GPHN: variants seen among roughly 807,000 people sequenced by gnomAD.
The protein encoded by GPHN is gephyrin.
GPHN carries 17 observed loss-of-function variants against 95.5 expected under a neutral mutation model. The observed-to-expected ratio is 0.18, with a 90% CI of 0.12 to 0.27. The LOEUF is 0.27. Among genes scored for constraint, GPHN ranks in the 10% least tolerant of loss-of-function variants. The pLI, the probability that GPHN is intolerant of heterozygous loss-of-function variation, is 1.00. For synonymous variants in GPHN, 320 were observed against 322.5 expected, an observed-to-expected ratio of 0.99 and a Z score of 0.08; for missense variants, 660 against 978.1, an observed-to-expected ratio of 0.67 and a Z score of 4.34.
At chr14:66,632,506 T>G (rs2063868668) in intron 1 of GPHN, among the ~76,000 whole-genome samples, 1 of 150,476 alleles carries the variant, frequency 6.6e-6, no homozygotes, top group Non-Finnish European at 1.5e-5. Flanking sequence ...TTTTTTTTTT[T>G]TTTTTGGGAT....
chr14:67,143,205 G>A (rs2080597607), intron 17 of GPHN, 157 bp from the exon 18 acceptor site: 5 of 663,500 alleles, frequency 7.5e-6, no homozygotes, highest in South Asian at 1.5e-5. Flanking sequence ...TAATGCTCCT[G>A]TTAGGCAGAG....
chr14:67,532,640 C>T, the GPHN span, among the ~76,000 whole-genome samples: 701 of 152,282 alleles, frequency 4.6e-3, 10 homozygotes, highest in Admixed American at 0.017. Flanking sequence ...ATCACTTGAG[C>T]TCCGGAGTTC....
the GPHN span, among the ~76,000 whole-genome samples, chr14:67,329,298 G>GA: frequency 5.3e-5 from 8 of 152,168 alleles, no homozygotes; most frequent in Non-Finnish European, 1.0e-4. Context: ...TGATGTATAG[G>GA]AATGCTTGTG....
intron 9 of GPHN, among the ~76,000 whole-genome samples, chr14:66,995,756 G>T (rs2071739130): frequency 6.6e-6 from 1 of 152,166 alleles, no homozygotes; most frequent in African/African-American, 2.4e-5. Flanking sequence ...CAGAATACTG[G>T]CTTTGGTGCC....
At chr14:66,550,913 G>A in intron 1 of GPHN, 1 of 153,692 alleles carries the variant, frequency 6.5e-6, no homozygotes, top group Non-Finnish European at 1.5e-5. Flanking sequence ...CTGGAGTGCA[G>A]TGGCACGATC....
the GPHN span, among the ~76,000 whole-genome samples, chr14:67,667,459 T>C: frequency 3.3e-4 from 50 of 152,276 alleles, 1 homozygote; most frequent in African/African-American, 1.2e-3. Context: ...TGTTTCCTCA[T>C]CTGCAAATAG....
At chr14:67,380,882 G>A in the GPHN span, 1 of 495,960 alleles carries the variant, frequency 2.0e-6, no homozygotes, top group Non-Finnish European at 3.4e-6. Context: ...TTTTCTAAAT[G>A]GTTGTTTTTT....
At chr14:67,492,608 G>A in the GPHN span, among the ~76,000 whole-genome samples, 1 of 152,188 alleles carries the variant, frequency 6.6e-6, no homozygotes, top group African/African-American at 2.4e-5. Flanking sequence ...TCACCAGGGA[G>A]GCAGAAAGAA....
chr14:66,735,655 C>A (rs1281534841), intron 2 of GPHN, among the ~76,000 whole-genome samples: 2 of 152,088 alleles, frequency 1.3e-5, no homozygotes, highest in Admixed American at 1.3e-4. Context: ...ACACCCAGAG[C>A]ACCTTGAACT....
chr14:67,584,180 TG>T, the GPHN span: 24 of 1,570,240 alleles, frequency 1.5e-5, no homozygotes, highest in Admixed American at 2.7e-4. Context: ...CAACTGCTCA[TG>T]TTTGAGCCAT....
intron 3 of GPHN, among the ~76,000 whole-genome samples, chr14:66,787,378 T>A (rs1171790334): frequency 6.6e-6 from 1 of 152,124 alleles, no homozygotes; most frequent in Non-Finnish European, 1.5e-5. Flanking sequence ...GTTCAAATAT[T>A]GAAAAATTCA....
chr14:66,793,395 A>G (rs1236808819), intron 3 of GPHN, among the ~76,000 whole-genome samples: 3 of 152,244 alleles, frequency 2.0e-5, no homozygotes, highest in Non-Finnish European at 2.9e-5. Flanking sequence ...ACCAGATGGT[A>G]TGTCAAATCC....
At chr14:66,849,323 G>A (rs887968235) in intron 4 of GPHN, among the ~76,000 whole-genome samples, 7 of 151,730 alleles carry the variant, frequency 4.6e-5, no homozygotes, top group African/African-American at 1.5e-4. Flanking sequence ...TAAACATTTA[G>A]GTTCTTTCCT....
At chr14:66,594,138 A>G (rs1778946992) in intron 1 of GPHN, among the ~76,000 whole-genome samples, 1 of 152,138 alleles carries the variant, frequency 6.6e-6, no homozygotes, top group Non-Finnish European at 1.5e-5. Context: ...GCAGAAAACT[A>G]TAAACCATTT....
At chr14:66,705,297 C>T (rs1336886600) in intron 2 of GPHN, among the ~76,000 whole-genome samples, 2 of 98,606 alleles carry the variant, frequency 2.0e-5, no homozygotes, top group African/African-American at 1.6e-4. Flanking sequence ...AGGAGGGACT[C>T]CTCCCTAACT....
At chr14:66,919,216 C>T (rs563027820) in intron 6 of GPHN, among the ~76,000 whole-genome samples, 12 of 152,258 alleles carry the variant, frequency 7.9e-5, no homozygotes, top group East Asian at 3.9e-4. Flanking sequence ...GTTCTCACCT[C>T]GGTTGTTAGT....
intron 5 of GPHN, among the ~76,000 whole-genome samples, chr14:66,902,475 C>T (rs1414978985): frequency 1.3e-5 from 2 of 151,900 alleles, no homozygotes; most frequent in African/African-American, 4.8e-5. Flanking sequence ...AATTTTTTTC[C>T]TTTTCAGTAT....
chr14:66,815,408 G>C (rs1404224778), intron 3 of GPHN, among the ~76,000 whole-genome samples: 1 of 152,156 alleles, frequency 6.6e-6, no homozygotes, highest in Non-Finnish European at 1.5e-5. Flanking sequence ...GTTAAAGGCA[G>C]CTAGAGTGAA....
chr14:67,554,150 T>C, the GPHN span, among the ~76,000 whole-genome samples: 1,094 of 152,344 alleles, frequency 7.2e-3, 20 homozygotes, highest in African/African-American at 0.025. Context: ...AAGGCCACCC[T>C]GAGCAAAGAG....
Sources: allele counts gnomAD v4.1 joint callset (sites outside exome capture counted in the v4.1 genomes callset), GRCh38; gene constraint gnomAD v4.1.1; transcripts MANE v1.5; gene names NCBI Gene and HGNC (gene_info 2026-07-23, HGNC 2026-07-21).